The following DRC4 variants were observed in gnomAD, a reference collection of about 807,000 sequenced individuals.
DRC4 encodes the protein dynein regulatory complex subunit 4.
the DRC4 span, chr16:90,040,209 A>G: frequency 7.9e-7 from 1 of 1,262,368 alleles, no homozygotes; most frequent in Middle Eastern, 2.6e-4. Flanking sequence ...AGCGTGTTCC[A>G]GGCAGGTGCA....
the DRC4 span, among the ~76,000 whole-genome samples, chr16:90,039,172 T>A: frequency 6.6e-6 from 1 of 152,188 alleles, no homozygotes; most frequent in Non-Finnish European, 1.5e-5. Flanking sequence ...GGGCCCTTCC[T>A]TCTCCCTGTG....
At chr16:90,040,589 G>C in the DRC4 span, 1 of 1,301,668 alleles carries the variant, frequency 7.7e-7, no homozygotes, top group South Asian at 1.3e-5. Flanking sequence ...GCTGCTCCTC[G>C]GATAGGCACA....
the DRC4 span, chr16:90,019,656 C>T: frequency 6.1e-5 from 27 of 444,096 alleles, no homozygotes; most frequent in African/African-American, 4.1e-4. This position sits in a 1 kb window ranked among gnomAD's most constrained non-coding sequence, Gnocchi z 6.1. Flanking sequence ...CCGCGCCCCG[C>T]CGCGGACACC....
chr16:90,022,856 G>A, the DRC4 span: 2 of 915,700 alleles, frequency 2.2e-6, no homozygotes, highest in Non-Finnish European at 2.9e-6. Flanking sequence ...TGAGAGCTCG[G>A]TGCTCTTGTG....
the DRC4 span, among the ~76,000 whole-genome samples, chr16:90,026,172 A>G: frequency 6.6e-6 from 1 of 152,134 alleles, no homozygotes; most frequent in African/African-American, 2.4e-5. Flanking sequence ...GCTGAAGACT[A>G]CTGGGAGTAG....
the DRC4 span, chr16:90,031,427 G>A: frequency 6.2e-7 from 1 of 1,612,376 alleles, no homozygotes; most frequent in Non-Finnish European, 8.5e-7. Context: ...TGGAGGAGAA[G>A]AAGGCTGAGC....
At chr16:90,028,251 C>G in the DRC4 span, among the ~76,000 whole-genome samples, 1 of 130,424 alleles carries the variant, frequency 7.7e-6, no homozygotes, top group East Asian at 2.5e-4. Context: ...GTGGCGCGAT[C>G]TCGGCTCACT....
chr16:90,039,546 C>T, the DRC4 span, among the ~76,000 whole-genome samples: 3 of 152,078 alleles, frequency 2.0e-5, no homozygotes, highest in Admixed American at 6.5e-5. Flanking sequence ...CCACCACGCC[C>T]GGCTAATGTT....
At chr16:90,044,748 A>G in the DRC4 span, 18 of 393,118 alleles carry the variant, frequency 4.6e-5, no homozygotes, top group African/African-American at 6.3e-5. Flanking sequence ...GAGCAGACAC[A>G]GTGAGGCTGT....
At chr16:90,037,013 A>T in the DRC4 span, 1 of 591,584 alleles carries the variant, frequency 1.7e-6, no homozygotes, top group Non-Finnish European at 3.0e-6. Flanking sequence ...AACAAAGTAT[A>T]GTCCTTCAGT....
At chr16:90,032,929 G>T in the DRC4 span, 1 of 1,611,672 alleles carries the variant, frequency 6.2e-7, no homozygotes, top group Non-Finnish European at 8.5e-7. Context: ...CGGCTGGTAG[G>T]TGTGGCGGGG....
the DRC4 span, chr16:90,035,552 A>G: frequency 3.1e-6 from 5 of 1,594,360 alleles, no homozygotes; most frequent in African/African-American, 2.7e-5. Context: ...GACCAAAACC[A>G]TGAGGAACAG....
the DRC4 span, chr16:90,029,078 T>G: frequency 8.0e-7 from 1 of 1,244,648 alleles, no homozygotes; most frequent in Non-Finnish European, 1.0e-6. Context: ...CTGCTGCCCG[T>G]CTCCCTGTCC....
At chr16:90,033,855 G>A in the DRC4 span, among the ~76,000 whole-genome samples, 1 of 151,628 alleles carries the variant, frequency 6.6e-6, no homozygotes, top group South Asian at 2.1e-4. Context: ...ATCGAAGTGG[G>A]GAGAGGTGGG....
At chr16:90,040,181 TG>T in the DRC4 span, 1 of 925,438 alleles carries the variant, frequency 1.1e-6, no homozygotes, top group Non-Finnish European at 1.7e-6. Flanking sequence ...GCTGTGGGAG[TG>T]GGCACTGTTG....
chr16:90,039,109 A>G, the DRC4 span, among the ~76,000 whole-genome samples: 1 of 152,226 alleles, frequency 6.6e-6, no homozygotes, highest in Non-Finnish European at 1.5e-5. Flanking sequence ...ACCTAAGGGA[A>G]GGGCACCTGC....
chr16:90,034,892 C>CTTTTTT, the DRC4 span, among the ~76,000 whole-genome samples: 25 of 53,870 alleles, frequency 4.6e-4, 3 homozygotes, highest in Non-Finnish European at 5.8e-4. Flanking sequence ...CCCACCTAAT[C>CTTTTTT]TTTTTTTTTT....
At chr16:90,042,885 C>G in the DRC4 span, 1 of 505,464 alleles carries the variant, frequency 2.0e-6, no homozygotes, top group African/African-American at 1.9e-5. Context: ...CGTGAAGAAC[C>G]TGAGTGGGAA....
At chr16:90,043,171 C>G in the DRC4 span, 1 of 1,594,040 alleles carries the variant, frequency 6.3e-7, no homozygotes, top group Non-Finnish European at 8.6e-7. Flanking sequence ...ACCCTCAGCT[C>G]CCTGACACTG....
Sources: allele counts gnomAD v4.1 joint callset (sites outside exome capture counted in the v4.1 genomes callset), GRCh38; gene constraint gnomAD v4.1.1; non-coding constraint Gnocchi (gnomAD v3.1); transcripts MANE v1.5; gene names NCBI Gene and HGNC (gene_info 2026-07-23, HGNC 2026-07-21).